Variants in CNTLN observed in about 807,000 individuals in gnomAD.
CNTLN encodes the protein centlein, centrosomal protein.
A neutral mutation model predicts 180.0 loss-of-function variants in CNTLN; 212 were observed. The ratio of observed to expected loss-of-function variants is 1.18; its 90% CI spans 1.05 to 1.32. CNTLN has a LOEUF of 1.32. CNTLN is among the 40% of genes most tolerant of loss of function. CNTLN has a pLI of 0.00. For synonymous variants in CNTLN, 722 were observed against 563.1 expected (o/e 1.28, Z -3.99); for missense variants, 2,095 against 1,610.9 (o/e 1.30, Z -5.14).
At chr9:17,514,032 G>T in the CNTLN span, among the ~76,000 whole-genome samples, 26 of 152,142 alleles carry the variant, frequency 1.7e-4, no homozygotes, top group South Asian at 2.1e-4. Context: ...AGTCAGCCAG[G>T]CACAGTGGCT....
intron 3 of CNTLN, among the ~76,000 whole-genome samples, chr9:17,231,763 T>C (rs991987488): frequency 6.6e-6 from 1 of 151,012 alleles, no homozygotes; most frequent in Non-Finnish European, 1.5e-5. Flanking sequence ...AAATTAACTA[T>C]GCTCAAGTAT....
chr9:17,222,533 G>C (rs989465445), intron 2 of CNTLN, among the ~76,000 whole-genome samples: 6 of 151,968 alleles, frequency 3.9e-5, no homozygotes, highest in African/African-American at 1.4e-4. Context: ...TTCCGCTTTT[G>C]CATCTTCCTC....
At chr9:17,274,016 A>C (rs1286505083) in intron 6 of CNTLN, 150 bp downstream of exon 6, 2 of 630,156 alleles carry the variant, frequency 3.2e-6, no homozygotes, top group African/African-American at 3.9e-5. Flanking sequence ...GGAGTTATTT[A>C]CACTAACTTG....
chr9:17,429,503 A>G (rs1829286830), intron 18 of CNTLN, among the ~76,000 whole-genome samples: 2 of 152,134 alleles, frequency 1.3e-5, no homozygotes, highest in South Asian at 4.1e-4. Context: ...TATATTTCAT[A>G]TCAAATTAAA....
At chr9:17,353,949 CG>C (rs1408670932) in intron 12 of CNTLN, among the ~76,000 whole-genome samples, 3 of 152,120 alleles carry the variant, frequency 2.0e-5, no homozygotes, top group Non-Finnish European at 4.4e-5. Flanking sequence ...GAGGCGTGAG[CG>C]GGAACCCGGG....
intron 15 of CNTLN, 116 bp downstream of exon 15, chr9:17,395,185 A>G (rs1826425753): frequency 1.4e-6 from 2 of 1,397,558 alleles, no homozygotes. Flanking sequence ...AAATACTGTC[A>G]GATCCTTTGA....
intron 18 of CNTLN, among the ~76,000 whole-genome samples, chr9:17,424,323 AC>A (rs1399643920): frequency 1.3e-5 from 2 of 152,278 alleles, no homozygotes; most frequent in Non-Finnish European, 2.9e-5. Flanking sequence ...TAAAGGTGTT[AC>A]TCATAATTTA....
intron 3 of CNTLN, among the ~76,000 whole-genome samples, chr9:17,227,219 A>G (rs1824528560): frequency 6.6e-6 from 1 of 151,840 alleles, no homozygotes; most frequent in Admixed American, 6.6e-5. Context: ...GGGGATTACA[A>G]TTCAATGTGA....
At chr9:17,318,394 G>A (rs1819679234) in intron 8 of CNTLN, among the ~76,000 whole-genome samples, 1 of 152,138 alleles carries the variant, frequency 6.6e-6, no homozygotes, top group South Asian at 2.1e-4. Context: ...GGAAGGCAAG[G>A]AAGAGAGGAG....
intron 18 of CNTLN, among the ~76,000 whole-genome samples, chr9:17,451,149 T>C (rs1351237372): frequency 6.6e-6 from 1 of 152,164 alleles, no homozygotes; most frequent in Non-Finnish European, 1.5e-5. Context: ...AAAAGAACGT[T>C]GATTCTATTC....
chr9:17,506,556 T>C (rs12376546), downstream of CNTLN, among the ~76,000 whole-genome samples: 50,392 of 152,022 alleles, frequency 0.33, 10,595 homozygotes, highest in African/African-American at 0.6. Context: ...TCTTCAACGC[T>C]AGCCCTTACT....
intron 13 of CNTLN, among the ~76,000 whole-genome samples, chr9:17,386,887 T>A (rs1302604027): frequency 6.6e-6 from 1 of 152,242 alleles, no homozygotes; most frequent in Non-Finnish European, 1.5e-5. Context: ...GAATTGTATT[T>A]GCATATTATT....
At chr9:17,196,587 A>G (rs1049605174) in intron 2 of CNTLN, among the ~76,000 whole-genome samples, 38 of 151,920 alleles carry the variant, frequency 2.5e-4, no homozygotes, top group African/African-American at 8.9e-4. Context: ...AAAAAATAAG[A>G]CTTATATGAA....
intron 13 of CNTLN, among the ~76,000 whole-genome samples, chr9:17,370,123 C>T (rs1023261263): frequency 6.6e-6 from 1 of 151,822 alleles, no homozygotes; most frequent in Non-Finnish European, 1.5e-5. Flanking sequence ...GTGAAAAAGA[C>T]AGGAGTACAA....
chr9:17,485,083 G>C (rs892846880), intron 24 of CNTLN, among the ~76,000 whole-genome samples: 1 of 152,250 alleles, frequency 6.6e-6, no homozygotes, highest in African/African-American at 2.4e-5. Context: ...CATAGCCACT[G>C]CCTCATAACA....
At chr9:17,155,610 C>G (rs1819223509) in intron 2 of CNTLN, among the ~76,000 whole-genome samples, 1 of 152,158 alleles carries the variant, frequency 6.6e-6, no homozygotes, top group African/African-American at 2.4e-5. Context: ...ACGCCCTTCC[C>G]CCACCAACCT....
intron 23 of CNTLN, among the ~76,000 whole-genome samples, chr9:17,467,518 G>C (rs1014500319): frequency 6.6e-6 from 1 of 151,322 alleles, no homozygotes; most frequent in African/African-American, 2.4e-5. Context: ...AGATACCTTG[G>C]GAGTTTTCTC....
At chr9:17,340,102 A>T (rs1044815879) in intron 10 of CNTLN, among the ~76,000 whole-genome samples, 4 of 152,162 alleles carry the variant, frequency 2.6e-5, no homozygotes, top group African/African-American at 9.6e-5. Context: ...GACTGCAGTG[A>T]GCTTTGAACT....
At chr9:17,254,458 A>C (rs1195123757) in intron 5 of CNTLN, among the ~76,000 whole-genome samples, 1 of 147,524 alleles carries the variant, frequency 6.8e-6, no homozygotes, top group Non-Finnish European at 1.5e-5. Flanking sequence ...ATCCATTTGG[A>C]GGTTTTTTTT....
Sources: gnomAD v4.1 joint callset for allele counts (sites outside exome capture counted in the v4.1 genomes callset) on GRCh38, gnomAD v4.1.1 for gene constraint, MANE v1.5 for transcripts, NCBI Gene and HGNC (gene_info 2026-07-23, HGNC 2026-07-21) for gene names.